The following SAMMSON variants were observed in gnomAD, a reference collection of about 807,000 sequenced individuals.
The protein encoded by SAMMSON is long intergenic non-protein coding RNA 1212.
chr3:70,351,636 T>C (rs1266239955), intron 7 of SAMMSON, among the ~76,000 whole-genome samples: 1 of 152,090 alleles, frequency 6.6e-6, no homozygotes, highest in East Asian at 1.9e-4. Flanking sequence ...ACCTCATATA[T>C]CCCACACTAG....
chr3:70,215,991 A>G (rs1425236461), intron 4 of SAMMSON, among the ~76,000 whole-genome samples: 1 of 152,100 alleles, frequency 6.6e-6, no homozygotes, highest in Non-Finnish European at 1.5e-5. Context: ...TTTGAATGCA[A>G]CATTTGCATT....
At chr3:70,209,861 C>T (rs1377820177) in intron 4 of SAMMSON, among the ~76,000 whole-genome samples, 1 of 152,070 alleles carries the variant, frequency 6.6e-6, no homozygotes, top group African/African-American at 2.4e-5. Flanking sequence ...CTTTGCAAAG[C>T]AAAACTACCT....
chr3:70,154,719 G>A (rs1038735512), intron 4 of SAMMSON, among the ~76,000 whole-genome samples: 1 of 152,072 alleles, frequency 6.6e-6, no homozygotes, highest in Non-Finnish European at 1.5e-5. Flanking sequence ...AAAGTTTAGG[G>A]TAGTTATATA....
At chr3:70,234,678 A>G (rs1393347549) in intron 4 of SAMMSON, among the ~76,000 whole-genome samples, 1 of 151,878 alleles carries the variant, frequency 6.6e-6, no homozygotes, top group African/African-American at 2.4e-5. Context: ...TAATAGAGCT[A>G]TGGTCACAAG....
chr3:70,396,182 GA>G lies in SAMMSON; in HGVS notation n.233+37864del, dbSNP rs1484992185. Among the ~76,000 whole-genome samples the G allele has an allele frequency of 3.3e-5, 5 of 151,934 alleles. No individual in the cohort carries two copies. The South Asian group carries it at 6.2e-4, about 19-fold the overall frequency. On this transcript the variant is annotated intron_variant and non_coding_transcript_variant, in intron 2 of 3. Transcript: ENST00000641053. Reference sequence around the variant, plus strand: ...ACTCTTATTTTCTCCATATATGAAAGAAAAAAGAATATCTTCCATGGCTGAA... The same window carrying G: ...ACTCTTATTTTCTCCATATATGAAAGAAAAAGAATATCTTCCATGGCTGAA...
intron 6 of SAMMSON, among the ~76,000 whole-genome samples, chr3:70,287,897 T>C (rs369357146): frequency 2.7e-4 from 40 of 149,126 alleles, no homozygotes; most frequent in South Asian, 4.3e-4. Flanking sequence ...GTGGGATCAG[T>C]GGTGACATCC....
intron 9 of SAMMSON, among the ~76,000 whole-genome samples, chr3:70,388,047 G>A (rs955138257): frequency 1.3e-5 from 2 of 152,112 alleles, no homozygotes; most frequent in Admixed American, 1.3e-4. Context: ...TGTGATGAAC[G>A]CTTTTTTGAC....
At chr3:70,033,471 A>C (rs2067072753) in intron 3 of SAMMSON, among the ~76,000 whole-genome samples, 1 of 152,194 alleles carries the variant, frequency 6.6e-6, no homozygotes, top group Non-Finnish European at 1.5e-5. Context: ...ATGATGAAGC[A>C]TCAGAGTATG....
chr3:70,029,182 G>C (rs558591236), intron 3 of SAMMSON, among the ~76,000 whole-genome samples: 1 of 152,240 alleles, frequency 6.6e-6, no homozygotes, highest in South Asian at 2.1e-4. Flanking sequence ...CAGTGCATTG[G>C]TTTTTATCAG....
intron 7 of SAMMSON, among the ~76,000 whole-genome samples, chr3:70,302,880 C>G (rs1702364379): frequency 6.6e-6 from 1 of 152,084 alleles, no homozygotes; most frequent in Admixed American, 6.6e-5. Flanking sequence ...ATGAAATGAA[C>G]TTAGTACTTC....
intron 4 of SAMMSON, among the ~76,000 whole-genome samples, chr3:70,136,930 A>G (rs1447240828): frequency 2.6e-5 from 4 of 152,232 alleles, no homozygotes; most frequent in Non-Finnish European, 5.9e-5. Flanking sequence ...TCAACATTTC[A>G]ATAAGAGTCT....
Position 70,009,247 on chromosome 3 carries a change from C to A in SAMMSON, n.23-3110C>A, listed in dbSNP as rs57587097. 2.3e-3 allele frequency: 350 copies of A among 151,770 alleles called. 4 individuals carry two copies. Among genetic ancestry groups the A allele is most frequent in the African/African-American group, 8.3e-3 (342 of 41,232 alleles). 9.4% of individuals were successfully genotyped at this position (151,770 alleles called of 1,614,324 possible). ...TCCTCCTTGTACCTCTGGTAGAATT[C>A]GGCTGTGAATCCATCTGGTCCTGGA... On this transcript the variant is annotated intron_variant and non_coding_transcript_variant, in intron 1 of 9. Coordinates refer to ENST00000642114, the Ensembl canonical transcript of SAMMSON.
chr3:70,152,333 A>G (rs1283761462), intron 4 of SAMMSON, among the ~76,000 whole-genome samples: 1 of 152,050 alleles, frequency 6.6e-6, no homozygotes, highest in Non-Finnish European at 1.5e-5. Flanking sequence ...ACAAAATGCC[A>G]TTTCAATGCC....
intron 4 of SAMMSON, among the ~76,000 whole-genome samples, chr3:70,106,372 G>C (rs1304966527): frequency 1.3e-5 from 2 of 151,054 alleles, no homozygotes; most frequent in African/African-American, 4.9e-5. Context: ...ACAGGGTCTA[G>C]CTCTGTTTCC....
At chr3:70,129,500 G>A (rs1014563064) in intron 4 of SAMMSON, among the ~76,000 whole-genome samples, 1 of 152,148 alleles carries the variant, frequency 6.6e-6, no homozygotes, top group African/African-American at 2.4e-5. Flanking sequence ...GTTAGGGATG[G>A]CCTATTTTTA....
chr3:70,033,910 G>T (rs1316592401), intron 3 of SAMMSON, among the ~76,000 whole-genome samples: 2 of 152,136 alleles, frequency 1.3e-5, no homozygotes, highest in Non-Finnish European at 2.9e-5. Flanking sequence ...GGAAGGACAG[G>T]AGAGAATTGG....
chr3:70,284,646 C>A (rs1159009051), intron 6 of SAMMSON, among the ~76,000 whole-genome samples: 1 of 152,114 alleles, frequency 6.6e-6, no homozygotes, highest in Non-Finnish European at 1.5e-5. Flanking sequence ...AACACAGGAA[C>A]AGAAAACTAA....
At chr3:70,293,040 T>C (rs1461867974) in intron 7 of SAMMSON, among the ~76,000 whole-genome samples, 1 of 105,712 alleles carries the variant, frequency 9.5e-6, no homozygotes, top group African/African-American at 4.0e-5. Context: ...TTCTGTGGTT[T>C]GAAGCAAAAA....
chr3:70,270,717 G>A (rs944341326), intron 6 of SAMMSON, among the ~76,000 whole-genome samples: 1 of 152,072 alleles, frequency 6.6e-6, no homozygotes, highest in Non-Finnish European at 1.5e-5. Context: ...TAAAAAGGAC[G>A]AGTTCATGTC....
Sources: allele counts gnomAD v4.1 joint callset (sites outside exome capture counted in the v4.1 genomes callset), GRCh38; gene constraint gnomAD v4.1.1; transcripts MANE v1.5; gene names NCBI Gene and HGNC (gene_info 2026-07-23, HGNC 2026-07-21).